The following PTPRG variants were observed in gnomAD, a reference collection of about 807,000 sequenced individuals.
The protein encoded by PTPRG is protein tyrosine phosphatase receptor type G.
Under a neutral mutation model 165.3 loss-of-function variants are expected in PTPRG, and 102 were observed. The ratio of observed to expected loss-of-function variants is 0.62; its 90% CI spans 0.53 to 0.73. PTPRG has a LOEUF of 0.73. Among genes scored for constraint, PTPRG ranks in the 30% least tolerant of loss-of-function variants. The pLI is 0.00. For synonymous variants in PTPRG, 675 were observed against 669.5 expected (o/e 1.01, Z -0.13); for missense variants, 1,866 against 1,861.4 (o/e 1.00, Z -0.05).
intron 1 of PTPRG, among the ~76,000 whole-genome samples, chr3:61,746,704 T>C (rs76078224): frequency 3.5e-4 from 53 of 152,280 alleles, no homozygotes; most frequent in African/African-American, 1.3e-3. Flanking sequence ...TAAAAGTGAT[T>C]GACTGGCTTG....
intron 2 of PTPRG, among the ~76,000 whole-genome samples, chr3:61,972,065 C>T (rs575935321): frequency 5.3e-5 from 8 of 152,162 alleles, no homozygotes; most frequent in South Asian, 2.1e-4. Context: ...AGAAGGTGTG[C>T]GCTACAAAGC....
chr3:61,791,209 A>C (rs867928355), intron 2 of PTPRG, among the ~76,000 whole-genome samples: 1 of 152,240 alleles, frequency 6.6e-6, no homozygotes, highest in Non-Finnish European at 1.5e-5. Flanking sequence ...GAAGCAAGAA[A>C]CTGTCCTTTC....
At position 62,271,559 on chromosome 3, in the gene PTPRG, G is replaced by A; in HGVS notation, c.3182+4G>A. 1 of 1,611,682 alleles carries A rather than the reference G, an allele frequency of 6.2e-7. No individual in the cohort carries two copies. Among genetic ancestry groups the A allele is most frequent in the Non-Finnish European group, 8.5e-7 (1 of 1,178,664 alleles). On this transcript the variant is annotated splice_donor_region_variant and intron_variant, in intron 21 of 29. Coordinates refer to ENST00000474889, the MANE Select transcript of PTPRG (RefSeq NM_002841.4). This position sits in a 1 kb window ranked among gnomAD's most constrained non-coding sequence, Gnocchi z 4.1. ...GCCCTGTGTTGGTGCACTGCAGGTA[G>A]GGTCTAGGATTCAACATGTGAAATA...
At chr3:61,748,749 A>C in intron 1 of PTPRG, 129 bp from the exon 2 acceptor site, 1 of 617,674 alleles carries the variant, frequency 1.6e-6, no homozygotes. Context: ...TTGTAAAATA[A>C]GTTGGTTCTA....
chr3:62,066,768 G>T (rs758743562), intron 4 of PTPRG, among the ~76,000 whole-genome samples: 1 of 152,086 alleles, frequency 6.6e-6, no homozygotes, highest in Non-Finnish European at 1.5e-5. Context: ...GGCTGGGCGC[G>T]GTGGCTCATG....
chr3:62,057,928 T>G (rs1170657559), intron 4 of PTPRG, among the ~76,000 whole-genome samples: 1 of 152,044 alleles, frequency 6.6e-6, no homozygotes, highest in African/African-American at 2.4e-5. Context: ...GTAGGAATTA[T>G]TTTGCTAGCA....
intron 10 of PTPRG, among the ~76,000 whole-genome samples, chr3:62,198,656 TATA>T (rs1317167500): frequency 5.3e-5 from 8 of 152,234 alleles, no homozygotes; most frequent in South Asian, 2.1e-4. Context: ...ACATTTGGGA[TATA>T]ATAATATATG....
intron 5 of PTPRG, among the ~76,000 whole-genome samples, chr3:62,109,282 C>T (rs1173427686): frequency 6.6e-6 from 1 of 152,174 alleles, no homozygotes; most frequent in Non-Finnish European, 1.5e-5. Context: ...GTTTTCCCAA[C>T]ACCATTTATT....
intron 2 of PTPRG, among the ~76,000 whole-genome samples, chr3:61,917,519 G>A (rs985264851): frequency 1.3e-5 from 2 of 152,132 alleles, no homozygotes; most frequent in Admixed American, 1.3e-4. Context: ...TCTCACACAG[G>A]CGTTATCTTA....
In PTPRG at chr3:61,794,081, G is replaced by A. The variant is rs192632518; in HGVS notation, c.190+45099G>A. ...GGAGAAAGGCGAACTTTTCTGTTTC[G>A]TTTGCCCAACTGCCTTGACTTGAGC... On this transcript the variant is annotated intron_variant, in intron 2 of 29. Transcript: ENST00000474889. Among the ~76,000 whole-genome samples the A allele has an allele frequency of 1.5e-3, 225 of 152,122 alleles. 1 individual carries two copies. The highest frequency in any genetic ancestry group is 4.8e-3 in the African/African-American group (199 of 41,484).
Position 61,561,890 on chromosome 3 carries a change from C to T in PTPRG, c.-398C>T, listed in dbSNP as rs958826415. On this transcript the variant is annotated 5_prime_UTR_variant, in exon 1 of 30. Coordinates refer to ENST00000474889, the MANE Select transcript of PTPRG (RefSeq NM_002841.4). ...AGCCCCGCCGCCGCCCGCCGGCTCT[C>T]GGGCTGTGCTGCGCTGCCGACTCAA... The T allele has an allele frequency of 1.3e-5, 2 of 155,608 alleles. No homozygotes were observed. The highest frequency in any genetic ancestry group is 4.8e-5 in the African/African-American group (2 of 41,484). 9.6% of individuals were successfully genotyped at this position (155,608 alleles called of 1,614,324 possible).
chr3:61,846,810 G>A (rs1438083980), intron 2 of PTPRG, among the ~76,000 whole-genome samples: 1 of 152,166 alleles, frequency 6.6e-6, no homozygotes, highest in Non-Finnish European at 1.5e-5. Context: ...AGCTACTTAG[G>A]AAGCTGAGGT....
chr3:62,094,333 T>A (rs1408606344), intron 5 of PTPRG, among the ~76,000 whole-genome samples: 1 of 152,092 alleles, frequency 6.6e-6, no homozygotes, highest in African/African-American at 2.4e-5. Context: ...CTTGGTGGGG[T>A]GCCCTTGTGA....
chr3:61,750,487 C>A (rs779787142), intron 2 of PTPRG: 14 of 152,170 alleles, frequency 9.2e-5, no homozygotes, highest in African/African-American at 3.4e-4. Flanking sequence ...ATGTCTTTAA[C>A]TTTGGTAGAG....
At chr3:61,736,208 A>AT (rs527807808) in intron 1 of PTPRG, among the ~76,000 whole-genome samples, 23,344 of 141,634 alleles carry the variant, frequency 0.16, 2,480 homozygotes, top group East Asian at 0.54. Context: ...GCACCCGGCC[A>AT]TTTTTTTTTT....
intron 10 of PTPRG, among the ~76,000 whole-genome samples, chr3:62,197,097 G>C (rs1699983631): frequency 6.6e-6 from 1 of 152,340 alleles, no homozygotes; most frequent in African/African-American, 2.4e-5. Context: ...TCTGGTCTGA[G>C]TCCCAGCTGC....
intron 2 of PTPRG, among the ~76,000 whole-genome samples, chr3:61,836,062 CAAA>C (rs749017389): frequency 9.6e-6 from 1 of 103,630 alleles, no homozygotes; most frequent in Non-Finnish European, 1.9e-5. Flanking sequence ...CCCCCCCCAC[CAAA>C]AAAAAAAATA....
chr3:62,102,360 C>T (rs559168845), intron 5 of PTPRG, among the ~76,000 whole-genome samples: 24 of 152,164 alleles, frequency 1.6e-4, no homozygotes, highest in African/African-American at 5.1e-4. Context: ...CTGCAACCTC[C>T]GCCTCCTGGG....
intron 2 of PTPRG, among the ~76,000 whole-genome samples, chr3:61,790,241 C>G (rs1434251181): frequency 6.6e-6 from 1 of 152,140 alleles, no homozygotes; most frequent in African/African-American, 2.4e-5. Flanking sequence ...ATCTTTGTCC[C>G]CTAATGTTGC....
Sources: allele counts gnomAD v4.1 joint callset (sites outside exome capture counted in the v4.1 genomes callset), GRCh38; gene constraint gnomAD v4.1.1; non-coding constraint Gnocchi (gnomAD v3.1); transcripts MANE v1.5; gene names NCBI Gene and HGNC (gene_info 2026-07-23, HGNC 2026-07-21).